The following CARD19 variants were observed in gnomAD, a reference collection of about 807,000 sequenced individuals.
The protein encoded by CARD19 is caspase recruitment domain-containing protein 19.
In CARD19, 25 loss-of-function variants were observed where a neutral mutation model predicts 24.1. The ratio of observed to expected loss-of-function variants is 1.04; its 90% CI spans 0.76 to 1.45. CARD19 has a LOEUF of 1.45. CARD19 is among the 40% of genes most tolerant of loss of function. CARD19 has a pLI of 0.00. For synonymous variants in CARD19, 103 were observed against 104.9 expected (o/e 0.98, Z 0.11); for missense variants, 241 against 247.4 (o/e 0.97, Z 0.17).
At chr9:93,111,627 A>G in intron 3 of CARD19, 2 of 1,350,400 alleles carry the variant, frequency 1.5e-6, no homozygotes, top group Non-Finnish European at 1.9e-6. Context: ...AGGCAGGGCC[A>G]AGCCTTGGCC....
chr9:93,107,367 G>A (rs1368030330), intron 1 of CARD19, among the ~76,000 whole-genome samples: 1 of 152,246 alleles, frequency 6.6e-6, no homozygotes, highest in Admixed American at 6.5e-5. Context: ...GGCCCTGCAG[G>A]TGGCCCATGA....
intron 1 of CARD19, among the ~76,000 whole-genome samples, chr9:93,104,044 A>T (rs1827168390): frequency 6.6e-6 from 1 of 152,208 alleles, no homozygotes. Flanking sequence ...ACATTTATCA[A>T]ATGCTTTTTC....
At chr9:93,101,728 G>A (rs1827091729) in intron 1 of CARD19, among the ~76,000 whole-genome samples, 1 of 151,924 alleles carries the variant, frequency 6.6e-6, no homozygotes, top group African/African-American at 2.4e-5. Flanking sequence ...GTGAGCCACC[G>A]TGCCGGCCAT....
At chr9:93,099,765 G>A (rs1827010170) in intron 1 of CARD19, among the ~76,000 whole-genome samples, 1 of 152,226 alleles carries the variant, frequency 6.6e-6, no homozygotes, top group Non-Finnish European at 1.5e-5. Flanking sequence ...CGCATAGGCT[G>A]CTGTGGGACT....
intron 3 of CARD19, 106 bp from the exon 4 acceptor site, chr9:93,111,773 C>A: frequency 6.5e-7 from 1 of 1,526,806 alleles, no homozygotes. Context: ...CTGGTTCGGC[C>A]TGGCGGCCCC....
At chr9:93,111,195 G>A in intron 3 of CARD19, 2 of 1,184,460 alleles carry the variant, frequency 1.7e-6, no homozygotes, top group Non-Finnish European at 2.1e-6. Flanking sequence ...GACATTGTCA[G>A]GCACGGATGG....
At chr9:93,097,855 C>A (rs1367979567) in intron 1 of CARD19, among the ~76,000 whole-genome samples, 1 of 152,240 alleles carries the variant, frequency 6.6e-6, no homozygotes, top group Non-Finnish European at 1.5e-5. Context: ...TTCCTACCTG[C>A]TATGTCTACT....
chr9:93,102,856 A>C (rs1276949304), intron 1 of CARD19, among the ~76,000 whole-genome samples: 1 of 152,074 alleles, frequency 6.6e-6, no homozygotes, highest in Non-Finnish European at 1.5e-5. Flanking sequence ...TTCTTGATTA[A>C]ATTTTTTCCT....
At chr9:93,111,083 CA>C (rs1490941034) in intron 3 of CARD19, 2 of 1,322,564 alleles carry the variant, frequency 1.5e-6, no homozygotes, top group Admixed American at 4.6e-5. Context: ...ACCTTGTTCC[CA>C]CAGCTGCATG....
In CARD19 at chr9:93,112,985, CT is replaced by C. The variant is rs770723310; in HGVS notation, c.437-5del. The C allele has an allele frequency of 1.8e-5, 28 of 1,598,096 alleles. No individual in the cohort carries two copies. The East Asian group carries it at 4.0e-4, about 23-fold the overall frequency. On this transcript the variant is annotated splice_region_variant and splice_polypyrimidine_tract_variant and intron_variant, in intron 5 of 5. Coordinates refer to ENST00000375464, the MANE Select transcript of CARD19 (RefSeq NM_032310.5). ...CTTGAGCTTTTGCCTCCCCTTTTGT[CT>C]TCTAGACCCCAAGGGCCTGCCAGGG...
chr9:93,105,195 TGC>T (rs950908817), intron 1 of CARD19, among the ~76,000 whole-genome samples: 6 of 27,114 alleles, frequency 2.2e-4, no homozygotes, highest in African/African-American at 6.2e-4. Flanking sequence ...CGTGTGTGTG[TGC>T]GTGTGTGTGT....
At chr9:93,107,116 C>A (rs188698928) in intron 1 of CARD19, among the ~76,000 whole-genome samples, 1 of 152,194 alleles carries the variant, frequency 6.6e-6, no homozygotes, top group Non-Finnish European at 1.5e-5. Flanking sequence ...GATCCCAGCA[C>A]AGGCCACCCT....
intron 4 of CARD19, 139 bp downstream of exon 4, chr9:93,112,077 C>T (rs1236090813): frequency 1.8e-6 from 2 of 1,104,624 alleles, no homozygotes; most frequent in East Asian, 3.1e-5. Flanking sequence ...GGTGACAGAC[C>T]CCCCCCCTAA....
chr9:93,110,952 C>T (rs2130730928), intron 3 of CARD19: 1 of 1,526,890 alleles, frequency 6.5e-7, no homozygotes, highest in Non-Finnish European at 8.8e-7. Flanking sequence ...CTTTCTCCCC[C>T]TTCCTCCGTC....
Position 93,112,211 on chromosome 9 carries a change from T to C in CARD19, c.365-7T>C. On this transcript the variant is annotated splice_polypyrimidine_tract_variant and splice_region_variant and intron_variant, in intron 4 of 5. Transcript: ENST00000375464. ...GGGGAGCCCTGTTCACGCTGGTTTCTCCCCAGGACCCATGAGCTTCCTGGC... is the reference window on the plus strand; with the variant it reads ...GGGGAGCCCTGTTCACGCTGGTTTCCCCCCAGGACCCATGAGCTTCCTGGC... 2 of 1,544,596 alleles carry C rather than the reference T, an allele frequency of 1.3e-6. No individual in the cohort carries two copies. Among genetic ancestry groups the C allele is most frequent in the South Asian group, 1.2e-5 (1 of 83,988 alleles).
chr9:93,110,584 C>A lies in CARD19; in HGVS notation c.167C>A (p.Ala56Glu). The A allele has an allele frequency of 6.2e-7, 1 of 1,606,830 alleles. No individual in the cohort carries two copies. The highest frequency in any genetic ancestry group is 8.5e-7 in the Non-Finnish European group (1 of 1,175,054). ...KEAEKFRNPK[A>E]SLRVRLCDLL... ...TACCCTCAGTTCCGGAACCCCAAGG[C>A]ATCCTTGCGTGTGCGGCTCTGTGAC... The change falls in exon 3 of 6, where the codon GCA (alanine) becomes GAA (glutamate). Residue 56 changes from alanine (A) to glutamate (E), a missense_variant. Transcript: ENST00000375464.
intron 1 of CARD19, among the ~76,000 whole-genome samples, chr9:93,099,542 G>T (rs1827001682): frequency 6.6e-6 from 1 of 152,196 alleles, no homozygotes; most frequent in South Asian, 2.1e-4. Context: ...AAAGCTGTTG[G>T]AAGGATGAAG....
chr9:93,102,076 C>T (rs1827105070), intron 1 of CARD19, among the ~76,000 whole-genome samples: 1 of 151,944 alleles, frequency 6.6e-6, no homozygotes, highest in Non-Finnish European at 1.5e-5. Context: ...ATTCTCCTGC[C>T]TCAGCCTCCC....
intron 3 of CARD19, 195 bp from the exon 4 acceptor site, chr9:93,111,682 GCC>G: frequency 7.1e-7 from 1 of 1,407,512 alleles, no homozygotes; most frequent in South Asian, 1.7e-5. Context: ...GTGCCTTTAG[GCC>G]CGTCCAGGAG....
Sources: gnomAD v4.1 joint callset for allele counts (sites outside exome capture counted in the v4.1 genomes callset) on GRCh38, gnomAD v4.1.1 for gene constraint, MANE v1.5 for transcripts, NCBI Gene and HGNC (gene_info 2026-07-23, HGNC 2026-07-21) for gene names.